Variants in TNFSF13B observed in about 807,000 individuals in gnomAD.
TNFSF13B encodes TNF superfamily member 13b.
A neutral mutation model predicts 29.1 loss-of-function variants in TNFSF13B; 8 were observed. That is an observed-to-expected ratio of 0.27 (90% confidence interval 0.16 to 0.50). TNFSF13B has a LOEUF of 0.50. TNFSF13B is among the 20% of genes least tolerant of loss of function. The pLI, the probability that TNFSF13B is intolerant of heterozygous loss-of-function variation, is 0.98. For synonymous variants in TNFSF13B, 125 were observed against 130.8 expected (o/e 0.96, Z 0.30); for missense variants, 248 against 334.9 (o/e 0.74, Z 2.03).
At chr13:108,302,748 C>G in intron 3 of TNFSF13B, 1 of 878,730 alleles carries the variant, frequency 1.1e-6, no homozygotes, top group Non-Finnish European at 1.4e-6. Flanking sequence ...AAGGTTGTGT[C>G]TTAGTCACTT....
At chr13:108,272,100 T>A (rs1478429709) in intron 2 of TNFSF13B, among the ~76,000 whole-genome samples, 2 of 152,194 alleles carry the variant, frequency 1.3e-5, no homozygotes, top group Non-Finnish European at 2.9e-5. Flanking sequence ...GTATTTTGAC[T>A]AGTTTAGTAG....
At chr13:108,292,266 T>G (rs998219137) in intron 3 of TNFSF13B, among the ~76,000 whole-genome samples, 1 of 152,120 alleles carries the variant, frequency 6.6e-6, no homozygotes, top group Non-Finnish European at 1.5e-5. Flanking sequence ...CTTAGCATGA[T>G]GTTTTGAGGT....
chr13:108,287,872 A>C (rs976794464), intron 3 of TNFSF13B, among the ~76,000 whole-genome samples: 2 of 152,242 alleles, frequency 1.3e-5, no homozygotes, highest in African/African-American at 4.8e-5. Flanking sequence ...AACCAGGTTT[A>C]CAAAGAAACA....
Position 108,303,555 on chromosome 13 carries a change from T to C in TNFSF13B, c.696T>C (p.Cys232=). 1.9e-6 allele frequency: 3 copies of C among 1,613,756 alleles called. No individual in the cohort carries two copies. The highest frequency in any genetic ancestry group is 2.5e-6 in the Non-Finnish European group (3 of 1,179,778). The change falls in exon 5 of 6, where the codon TGT becomes TGC. Residue 232 remains cysteine, a synonymous_variant. Transcript: ENST00000375887. The part of the protein sequence containing the change: ...DELSLVTLFR[C]IQNMPETLPN... ...TGAGTCTGGTGACTTTGTTTCGATG[T>C]ATTCAAAATATGCCTGAAACACTAC...
chr13:108,284,198 G>A (rs1056174552), intron 2 of TNFSF13B, among the ~76,000 whole-genome samples: 5 of 152,116 alleles, frequency 3.3e-5, no homozygotes, highest in Non-Finnish European at 5.9e-5. Flanking sequence ...GCATGGTGGC[G>A]GGCACCTGTA....
intron 3 of TNFSF13B, among the ~76,000 whole-genome samples, chr13:108,296,947 G>T (rs1380385925): frequency 1.4e-5 from 2 of 145,136 alleles, no homozygotes; most frequent in Non-Finnish European, 3.1e-5. Context: ...TTATGTATTT[G>T]CCTTTTAAAT....
chr13:108,274,452 C>G (rs1359910641), intron 2 of TNFSF13B, among the ~76,000 whole-genome samples: 2 of 151,754 alleles, frequency 1.3e-5, no homozygotes, highest in East Asian at 3.9e-4. Flanking sequence ...TATACACACT[C>G]ATAACTTTCA....
intron 3 of TNFSF13B, chr13:108,302,736 T>C (rs1881661423): frequency 1.4e-5 from 11 of 798,436 alleles, no homozygotes; most frequent in East Asian, 1.3e-4. Flanking sequence ...CCGTTCTTAG[T>C]AAAGGTTGTG....
chr13:108,303,183 T>C (rs1186806010), intron 3 of TNFSF13B, 70 bp from the exon 4 acceptor site: 9 of 1,009,048 alleles, frequency 8.9e-6, no homozygotes, highest in Middle Eastern at 2.2e-4. Flanking sequence ...AGAGGTAGCT[T>C]AACAACTAAA....
In TNFSF13B at chr13:108,299,336, G is replaced by A. The variant is rs1476955462; in HGVS notation, c.482-3917G>A. On this transcript the variant is annotated intron_variant, in intron 3 of 5. Transcript: ENST00000375887. ...AATTTTCTCTTTCTTTGTATGCCTT[G>A]AAGTTTCTTCTTGAAAAGTGAACAG... Among the ~76,000 whole-genome samples the A allele has an allele frequency of 1.5e-5, 2 of 129,896 alleles. 1 individual carries two copies. The highest frequency in any genetic ancestry group is 3.4e-5 in the Non-Finnish European group (2 of 58,000). The allele number at this position is 129,896 out of a possible 152,430, so 85.2% of individuals were successfully genotyped here. A position where few individuals can be genotyped will look rare whatever the true frequency, so the allele number is the denominator to read the frequency against.
At chr13:108,306,439 T>C (rs1321643545) in intron 5 of TNFSF13B, among the ~76,000 whole-genome samples, 1 of 151,992 alleles carries the variant, frequency 6.6e-6, no homozygotes. Context: ...ATTTTTCACA[T>C]TTTTATTTAA....
intron 3 of TNFSF13B, among the ~76,000 whole-genome samples, chr13:108,292,692 A>G (rs1468497945): frequency 6.6e-6 from 1 of 152,102 alleles, no homozygotes; most frequent in Non-Finnish European, 1.5e-5. Flanking sequence ...GATGTTGAGC[A>G]TCTTTTCATG....
chr13:108,306,969 C>T lies in TNFSF13B; in HGVS notation c.*31C>T. 2 of 1,063,150 alleles carry T rather than the reference C, an allele frequency of 1.9e-6. No individual in the cohort carries two copies. The highest frequency in any genetic ancestry group is 2.7e-6 in the Non-Finnish European group (2 of 743,522). 65.9% of individuals were successfully genotyped at this position (1,063,150 alleles called of 1,614,324 possible). A position where few individuals can be genotyped will look rare whatever the true frequency, so the allele number is the denominator to read the frequency against. ...TTACACCATGTCTGTAGCTATTTTC[C>T]TCCCTTTCTCTGTACCTCTAAGAAG... is the stretch of plus-strand genomic sequence containing the variant. On this transcript the variant is annotated 3_prime_UTR_variant, in exon 6 of 6. Transcript: ENST00000375887.
At chr13:108,287,167 GT>G (rs1204187727) in intron 3 of TNFSF13B, among the ~76,000 whole-genome samples, 1 of 151,818 alleles carries the variant, frequency 6.6e-6, no homozygotes, top group Non-Finnish European at 1.5e-5. Flanking sequence ...TATACCTACT[GT>G]TAAATGACGA....
chr13:108,292,106 G>GT (rs1281647209), intron 3 of TNFSF13B, among the ~76,000 whole-genome samples: 2 of 151,938 alleles, frequency 1.3e-5, no homozygotes, highest in Non-Finnish European at 2.9e-5. Context: ...AGAAAATCCT[G>GT]TATCCATTAA....
intron 2 of TNFSF13B, among the ~76,000 whole-genome samples, chr13:108,284,350 A>C (rs1881057273): frequency 7.6e-6 from 1 of 130,886 alleles, no homozygotes; most frequent in African/African-American, 2.6e-5. Flanking sequence ...AAATAAATAA[A>C]TAAATGAATA....
At chr13:108,281,744 T>A (rs1320388802) in intron 2 of TNFSF13B, among the ~76,000 whole-genome samples, 4 of 152,220 alleles carry the variant, frequency 2.6e-5, no homozygotes, top group African/African-American at 4.8e-5. Context: ...ATTACTTTTT[T>A]AAGTAAGCAA....
intron 2 of TNFSF13B, among the ~76,000 whole-genome samples, chr13:108,275,020 A>G (rs1880726191): frequency 6.6e-6 from 1 of 152,118 alleles, no homozygotes; most frequent in South Asian, 2.1e-4. Context: ...TGTGTTTCAA[A>G]CCAAAATCTC....
chr13:108,282,111 A>AT (rs1880974911), intron 2 of TNFSF13B, among the ~76,000 whole-genome samples: 1 of 152,204 alleles, frequency 6.6e-6, no homozygotes, highest in Non-Finnish European at 1.5e-5. Context: ...TGACAGGAAA[A>AT]AAACCACACA....
Sources: allele counts gnomAD v4.1 joint callset (sites outside exome capture counted in the v4.1 genomes callset), GRCh38; gene constraint gnomAD v4.1.1; transcripts MANE v1.5; gene names NCBI Gene and HGNC (gene_info 2026-07-23, HGNC 2026-07-21).